Variants in KRT10 observed in about 807,000 individuals in gnomAD.
The protein encoded by KRT10 is keratin, type I cytoskeletal 10.
Under a neutral mutation model 59.2 loss-of-function variants are expected in KRT10, and 40 were observed. That is an observed-to-expected ratio of 0.68 (90% CI 0.52 to 0.88). The LOEUF is 0.88. Among genes scored for constraint, KRT10 ranks in the 40% least tolerant of loss-of-function variants. KRT10 has a pLI of 0.00. For synonymous variants in KRT10, 336 were observed against 310.7 expected (o/e 1.08, Z -0.86); for missense variants, 719 against 749.1 (o/e 0.96, Z 0.47).
In KRT10 at chr17:40,819,681, C is replaced by G. The variant is rs755819413; in HGVS notation, c.1209G>C (p.Gln403His). ...ATATCTGGGCCTGAATCTGTGAGAG[C>G]TGCACACAGTAGCGACCTTCTGTTT... ...LAETEGRYCVQLSQIQAQISA... is the reference protein window; with the variant it reads ...LAETEGRYCVHLSQIQAQISA... Residue 403 changes from glutamine to histidine, a missense_variant, in exon 6 of 8, where the codon CAG becomes CAC. By Grantham distance (24) the Gln-to-His change is conservative (BLOSUM62 0). Transcript: ENST00000269576. 7.6e-5 allele frequency: 123 copies of G among 1,614,212 alleles called. 2 individuals are homozygous for G. In the East Asian group the frequency reaches 1.2e-3, roughly 16 times the overall value.
Position 40,820,584 on chromosome 17 carries a change from G to T in KRT10, c.794C>A (p.Thr265Asn), listed in dbSNP as rs1178364186. 1 of 1,614,178 alleles carries T rather than the reference G, an allele frequency of 6.2e-7. No homozygotes were observed. Among genetic ancestry groups the T allele is most frequent in the East Asian group, 2.2e-5 (1 of 44,888 alleles). The change falls in exon 3 of 8, where the codon ACC becomes AAC. Residue 265 changes from threonine (T) to asparagine (N), a missense_variant. Coordinates refer to ENST00000269576, the MANE Select transcript of KRT10 (RefSeq NM_000421.5). ...AATTTGCATCTCCAGGTCAGCCTTGGTCAGGGTCAGCTCATCCAGCACCCT... is the reference window on the plus strand; with the variant it reads ...AATTTGCATCTCCAGGTCAGCCTTGTTCAGGGTCAGCTCATCCAGCACCCT... ...LRRVLDELTL[T>N]KADLEMQIES... is the part of the protein sequence containing the mutation.
chr17:40,818,645 TAA>T (rs1433651177), intron 7 of KRT10, 140 bp downstream of exon 7: 30 of 1,408,202 alleles, frequency 2.1e-5, no homozygotes, highest in East Asian at 4.8e-5. Flanking sequence ...CGGCTGGTGT[TAA>T]GAGTAGTTTG....
intron 1 of KRT10, 94 bp downstream of exon 1, chr17:40,821,865 C>G: frequency 7.7e-7 from 1 of 1,293,988 alleles, no homozygotes; most frequent in Non-Finnish European, 1.1e-6. Flanking sequence ...CATGGGTAAG[C>G]ATAGTGAACA....
chr17:40,819,859 T>C (rs1905266712), intron 5 of KRT10, 125 bp from the exon 6 acceptor site: 1 of 1,102,180 alleles, frequency 9.1e-7, no homozygotes, highest in African/African-American at 1.6e-5. Context: ...GTTGTATGTT[T>C]AATGGCACCA....
At position 40,822,421 on chromosome 17, in the gene KRT10, GC is replaced by G; in HGVS notation, c.164del (p.Gly55AlafsTer23). The G allele has an allele frequency of 6.2e-7, 1 of 1,613,616 alleles. No homozygotes were observed. The highest frequency in any genetic ancestry group is 8.5e-7 in the Non-Finnish European group (1 of 1,179,788). On this transcript the variant is annotated frameshift_variant, in exon 1 of 8. Coordinates refer to ENST00000269576, the MANE Select transcript of KRT10 (RefSeq NM_000421.5). LOFTEE classifies it high-confidence loss of function. ...CACCAGAGCTCCCACGGCTAAAAGAGCCACCACTGAACCCCCCTGAGCTAAA... is the reference window on the plus strand; with the variant it reads ...CACCAGAGCTCCCACGGCTAAAAGAGCACCACTGAACCCCCCTGAGCTAAA... ...GGFSSGGFSG[G>X]SFSRGSSGGG...
At chr17:40,821,670 G>A (rs1158357011) in intron 1 of KRT10, among the ~76,000 whole-genome samples, 2 of 150,758 alleles carry the variant, frequency 1.3e-5, no homozygotes, top group South Asian at 4.2e-4. Context: ...TTCTACATTT[G>A]TAAATAGCCT....
chr17:40,821,260 G>T, intron 1 of KRT10, 143 bp from the exon 2 acceptor site: 1 of 672,998 alleles, frequency 1.5e-6, no homozygotes. Flanking sequence ...AATATTGCAG[G>T]CTTACCCATA....
chr17:40,820,460 G>A (rs761726623), intron 3 of KRT10, 37 bp from the exon 4 acceptor site: 54 of 1,614,030 alleles, frequency 3.3e-5, no homozygotes, highest in African/African-American at 1.3e-5. Context: ...GGCTACACGA[G>A]GACCATAATG....
rs778613907 is a variant in KRT10, at chr17:40,819,055, T to TGCCGCCGTGGCC, written c.1468_1479dup (p.Gly490_Gly493dup). ...CCGCCTCCGTAGCCGCCGCCGGAAC[T>TGCCGCCGTGGCC]GCCGCCGTGGCCGCCGCCGTGGCCG... On this transcript the variant is annotated inframe_insertion, in exon 7 of 8. Coordinates refer to ENST00000269576, the MANE Select transcript of KRT10 (RefSeq NM_000421.5). 5 of 1,373,834 alleles carry TGCCGCCGTGGCC rather than the reference T, an allele frequency of 3.6e-6. No individual in the cohort carries two copies. Among genetic ancestry groups the TGCCGCCGTGGCC allele is most frequent in the African/African-American group, 3.5e-5 (2 of 57,934 alleles). 85.1% of individuals were successfully genotyped at this position (1,373,834 alleles called of 1,614,324 possible). A position where few individuals can be genotyped will look rare whatever the true frequency, so the allele number is the denominator to read the frequency against.
rs1905202342 is a variant in KRT10, at chr17:40,819,010, A to ACCTTCC, written c.1524_1525insGGAAGG (p.Ser508_Ser509insGlyArg). ...CTTCCGCCCCCGTAGCCGCCGCCGG[A>ACCTTCC]GCTTCCGCCGCCGGAGCTTCCGCCT... On this transcript the variant is annotated inframe_insertion, in exon 7 of 8. Transcript: ENST00000269576. 1 of 1,245,736 alleles carries ACCTTCC rather than the reference A, an allele frequency of 8.0e-7. No individual in the cohort carries two copies. Among genetic ancestry groups the ACCTTCC allele is most frequent in the African/African-American group, 1.7e-5 (1 of 59,704 alleles). 77.2% of individuals were successfully genotyped at this position (1,245,736 alleles called of 1,614,324 possible).
rs761554643 is a variant in KRT10, at chr17:40,822,064, C to G, written c.522G>C (p.Leu174=). Residue 174 remains leucine, a synonymous_variant, in exon 1 of 8, where the codon CTG becomes CTC. Coordinates refer to ENST00000269576, the MANE Select transcript of KRT10 (RefSeq NM_000421.5). ...CATACCACTCCTTGATTTTGCCTTCCAGCTCATAGTTTGATTCTTCCAGAG... is the reference window on the plus strand; with the variant it reads ...CATACCACTCCTTGATTTTGCCTTCGAGCTCATAGTTTGATTCTTCCAGAG... ...VRALEESNYE[L]EGKIKEWYEK... 6.2e-7 allele frequency: 1 copy of G among 1,614,080 alleles called. No individual in the cohort carries two copies. Among genetic ancestry groups the G allele is most frequent in the Admixed American group, 1.7e-5 (1 of 60,012 alleles).
Position 40,822,006 on chromosome 17 carries a change from G to C in KRT10, c.580C>G (p.Arg194Gly). Residue 194 changes from arginine (R) to glycine (G), a missense_variant, in exon 1 of 8, where the codon CGT becomes GGT. Coordinates refer to ENST00000269576, the MANE Select transcript of KRT10 (RefSeq NM_000421.5). ...KHGNSHQGEPRDYSKYYKTID... is the reference protein window; with the variant it reads ...KHGNSHQGEPGDYSKYYKTID... ...GTTTTGTAGTATTTGCTGTAGTCAC[G>C]AGGCTCCCCCTGATGTGAGTTGCCA... 6.2e-7 allele frequency: 1 copy of C among 1,614,028 alleles called. No homozygotes were observed. The highest frequency in any genetic ancestry group is 8.5e-7 in the Non-Finnish European group (1 of 1,179,974).
intron 1 of KRT10, 61 bp downstream of exon 1, chr17:40,821,898 A>G: frequency 6.4e-7 from 1 of 1,555,642 alleles, no homozygotes; most frequent in Non-Finnish European, 8.9e-7. Context: ...TTAATTTAAG[A>G]TTCATCTGTC....
In KRT10 at chr17:40,820,726, C is replaced by A. The variant is rs6503559; in HGVS notation, c.711-59G>T. Reference sequence around the variant, plus strand: ...CTTATATAGGGGAGATGTATCTGGGCAGAGACTATTTAAAAAGCAGCTACA... The same window carrying A: ...CTTATATAGGGGAGATGTATCTGGGAAGAGACTATTTAAAAAGCAGCTACA... On this transcript the variant is annotated intron_variant, in intron 2 of 7. Coordinates refer to ENST00000269576, the MANE Select transcript of KRT10 (RefSeq NM_000421.5). The A allele has an allele frequency of 0.22, 343,706 of 1,577,052 alleles. 39,822 individuals carry two copies. The highest frequency in any genetic ancestry group is 0.24 in the Non-Finnish European group (273,492 of 1,148,098).
rs1403167256 is a variant in KRT10 at position 40,819,712 on chromosome 17, A to C, written c.1178T>G (p.Leu393Trp). The change falls in exon 6 of 8, where the codon TTG becomes TGG. Residue 393 changes from leucine (L) to tryptophan (W), a missense_variant. Physicochemically the swap from Leu to Trp is moderately conservative, Grantham distance 61 (BLOSUM62 -2). Transcript: ENST00000269576. ...LALKQSLEAS[L>W]AETEGRYCVQ... is the part of the protein sequence containing the mutation. ...ACAGTAGCGACCTTCTGTTTCTGCC[A>C]AGGAGGCTTCCAGGGATTGTTTCTG... is the stretch of plus-strand genomic sequence containing the variant. The C allele has an allele frequency of 6.2e-7, 1 of 1,614,230 alleles. No individual in the cohort carries two copies. Among genetic ancestry groups the C allele is most frequent in the Non-Finnish European group, 8.5e-7 (1 of 1,180,038 alleles).
At position 40,820,906 on chromosome 17, in the gene KRT10, A is replaced by G. The variant is rs902494533; in HGVS notation, c.710+129T>C. The G allele has an allele frequency of 4.5e-5, 41 of 906,522 alleles. No individual in the cohort carries two copies. The Admixed American group carries it at 8.0e-4, about 18-fold the overall frequency. The allele number at this position is 906,522 out of a possible 1,614,324, so 56.2% of individuals were successfully genotyped here. On this transcript the variant is annotated intron_variant, in intron 2 of 7. Transcript: ENST00000269576. Reference sequence around the variant, plus strand: ...CACTGACATGGAAAATTTCTCAGATAACTCCAATACTATTTAACTTTGGGT... The same window carrying G: ...CACTGACATGGAAAATTTCTCAGATGACTCCAATACTATTTAACTTTGGGT...
rs995624321 is a variant in KRT10, at chr17:40,818,352, G to A, written c.*124C>T. 9 of 1,310,592 alleles carry A rather than the reference G, an allele frequency of 6.9e-6. No homozygotes were observed. The highest frequency in any genetic ancestry group is 9.8e-6 in the Non-Finnish European group (9 of 918,386). The allele number at this position is 1,310,592 out of a possible 1,614,324, so 81.2% of individuals were successfully genotyped here. ...CTGTAAATAATGGTCTGTGTGAAGG[G>A]AGACTCTTTCCTCTTGATGCAGTTT... On this transcript the variant is annotated 3_prime_UTR_variant, in exon 8 of 8. Transcript: ENST00000269576.
At chr17:40,819,259 G>C in intron 6 of KRT10, 98 bp from the exon 7 acceptor site, 1 of 1,571,386 alleles carries the variant, frequency 6.4e-7, no homozygotes, top group Non-Finnish European at 8.6e-7. Context: ...AAAACGTGTT[G>C]AAAAAATAAA....
Position 40,818,305 on chromosome 17 carries a change from G to A in KRT10, c.*171C>T, listed in dbSNP as rs536665430. On this transcript the variant is annotated 3_prime_UTR_variant, in exon 8 of 8. Coordinates refer to ENST00000269576, the MANE Select transcript of KRT10 (RefSeq NM_000421.5). ...ACCATCAAGACAGAAGTGTTTTCTT[G>A]GAGACTTTGTTTTCCATGCATCTGT... 3.7e-5 allele frequency: 31 copies of A among 838,266 alleles called. No homozygotes were observed. Among genetic ancestry groups the A allele is most frequent in the Middle Eastern group, 4.5e-4 (2 of 4,434 alleles). 51.9% of individuals were successfully genotyped at this position (838,266 alleles called of 1,614,324 possible).
Sources: allele counts gnomAD v4.1 joint callset (sites outside exome capture counted in the v4.1 genomes callset), GRCh38; gene constraint gnomAD v4.1.1; transcripts MANE v1.5; gene names NCBI Gene and HGNC (gene_info 2026-07-23, HGNC 2026-07-21).